Variants in MECOM observed in about 807,000 individuals in gnomAD.
MECOM encodes the protein MDS1 and EVI1 complex locus.
In MECOM, 13 loss-of-function variants were observed where a neutral mutation model predicts 116.3. The observed-to-expected ratio is 0.11, with a 90% confidence interval of 0.07 to 0.18. The LOEUF (loss-of-function observed/expected upper bound fraction) is 0.18, where lower values mean the gene tolerates loss of function less well. Ranked by LOEUF, MECOM falls within the 10% of genes least tolerant of loss-of-function variation. The pLI is 1.00. For missense variants in MECOM, 1,299 were observed against 1,509.0 expected (o/e 0.86, Z 2.31); for synonymous variants, 528 against 535.2 (o/e 0.99, Z 0.19).
In MECOM at chr3:169,440,706, C is replaced by G. The variant is rs535120718; in HGVS notation, c.38-59182G>C. On this transcript the variant is annotated intron_variant, in intron 1 of 16. Coordinates refer to ENST00000651503, the MANE Select transcript of MECOM (RefSeq NM_004991.4). ...ATTGCTTATCTTTTTAGGGATAAAC[C>G]ATATGCCCTCCAAAGCTTCTGAAGG... Among the ~76,000 whole-genome samples, 5 of 152,198 alleles carry G rather than the reference C, an allele frequency of 3.3e-5. No homozygotes were observed. The East Asian group carries it at 7.7e-4, about 24-fold the overall frequency.
chr3:169,462,794 A>T (rs1191882181), intron 1 of MECOM, among the ~76,000 whole-genome samples: 1 of 152,210 alleles, frequency 6.6e-6, no homozygotes, highest in African/African-American at 2.4e-5. Context: ...AAAGGCAAAT[A>T]TAGTCTATAT....
At chr3:169,414,913 A>G (rs892303859) in intron 1 of MECOM, among the ~76,000 whole-genome samples, 1 of 152,180 alleles carries the variant, frequency 6.6e-6, no homozygotes, top group Admixed American at 6.6e-5. Flanking sequence ...TTTGATGGGC[A>G]TACCTGAAAA....
At chr3:169,511,591 G>A (rs543643954) in intron 1 of MECOM, among the ~76,000 whole-genome samples, 36 of 152,044 alleles carry the variant, frequency 2.4e-4, no homozygotes, top group Non-Finnish European at 4.4e-4. Context: ...GCAAAACCCC[G>A]TCTCTTCTTT....
At chr3:169,119,231 G>A (rs1405206287) in intron 7 of MECOM, among the ~76,000 whole-genome samples, 1 of 152,168 alleles carries the variant, frequency 6.6e-6, no homozygotes, top group Non-Finnish European at 1.5e-5. Flanking sequence ...CTTCTGGTGA[G>A]AAACAGATAT....
At position 169,089,121 on chromosome 3, in the gene MECOM, T is replaced by C. The variant is rs1232637919; in HGVS notation, c.3464A>G (p.Asp1155Gly). 6.2e-7 allele frequency: 1 copy of C among 1,609,106 alleles called. No individual in the cohort carries two copies. Among genetic ancestry groups the C allele is most frequent in the South Asian group, 1.1e-5 (1 of 90,356 alleles). Residue 1155 changes from aspartate (D) to glycine (G), a missense_variant, in exon 16 of 17, where the codon GAT becomes GGT. By Grantham distance (94) the Asp-to-Gly change is moderately conservative (BLOSUM62 -1). Transcript: ENST00000651503. ...SALDHIRHFT[D>G]SLKMRKMEDN... ...TTCCATTTTCCTCATTTTGAGGCTA[T>C]CTGTGAAGTGCCTTATATGATCTAG... is the stretch of plus-strand genomic sequence containing the variant.
At chr3:169,654,438 G>A (rs546066384) in intron 1 of MECOM, among the ~76,000 whole-genome samples, 6 of 152,192 alleles carry the variant, frequency 3.9e-5, no homozygotes, top group Non-Finnish European at 8.8e-5. Flanking sequence ...AAATCAGTTG[G>A]GTTCCTCAGT....
chr3:169,444,942 G>A (rs1396615201), intron 1 of MECOM, among the ~76,000 whole-genome samples: 4 of 152,158 alleles, frequency 2.6e-5, no homozygotes, highest in African/African-American at 9.6e-5. Context: ...TTTTGCCCCT[G>A]CCCTAGAGAT....
intron 1 of MECOM, among the ~76,000 whole-genome samples, chr3:169,630,902 G>A (rs980270959): frequency 1.3e-5 from 2 of 152,196 alleles, no homozygotes; most frequent in Admixed American, 1.3e-4. Flanking sequence ...GGAATTACAG[G>A]CGTGAGCCAC....
chr3:169,186,321 AAAGGAAGGAAGG>A (rs1199274474), intron 2 of MECOM, among the ~76,000 whole-genome samples: 1 of 140,486 alleles, frequency 7.1e-6, no homozygotes, highest in South Asian at 2.5e-4. Context: ...AGGAAGGAAG[AAAGGAAGGAAGG>A]AGGGAGGGAG....
At chr3:169,122,514 C>A (rs1731369595) in intron 6 of MECOM, 66 bp downstream of exon 6, 4 of 1,564,828 alleles carry the variant, frequency 2.6e-6, no homozygotes, top group Non-Finnish European at 3.5e-6. Context: ...TATATCGTAG[C>A]AAGTGATGGA....
intron 1 of MECOM, among the ~76,000 whole-genome samples, chr3:169,425,826 G>A (rs1211032785): frequency 6.6e-6 from 1 of 152,098 alleles, no homozygotes; most frequent in Non-Finnish European, 1.5e-5. Context: ...GCCATATGTT[G>A]AAGAAGAATA....
chr3:169,587,748 T>C (rs1011088432), intron 1 of MECOM, among the ~76,000 whole-genome samples: 1 of 152,192 alleles, frequency 6.6e-6, no homozygotes, highest in Non-Finnish European at 1.5e-5. Context: ...ACAGTTACAT[T>C]GTACACTGTC....
chr3:169,169,358 T>A (rs1744071578), intron 2 of MECOM, among the ~76,000 whole-genome samples: 1 of 152,182 alleles, frequency 6.6e-6, no homozygotes, highest in South Asian at 2.1e-4. Flanking sequence ...TCAAAATAAG[T>A]TAAATTAACC....
At chr3:169,235,745 T>C (rs1293193010) in intron 2 of MECOM, among the ~76,000 whole-genome samples, 1 of 151,926 alleles carries the variant, frequency 6.6e-6, no homozygotes, top group Non-Finnish European at 1.5e-5. Context: ...AAAGATAACA[T>C]AATAGCAATA....
chr3:169,095,258 CAA>C lies in MECOM; in HGVS notation c.2850-15_2850-14del. 1 of 1,596,558 alleles carries C rather than the reference CAA, an allele frequency of 6.3e-7. No individual in the cohort carries two copies. The highest frequency in any genetic ancestry group is 8.5e-7 in the Non-Finnish European group (1 of 1,171,990). On this transcript the variant is annotated splice_polypyrimidine_tract_variant and intron_variant, in intron 12 of 16. Transcript: ENST00000651503. ...ACAGTATTTGCATCTGAAAAATAAACAAAGAGAAAATATTAGCAAGCACATTA... is the reference window on the plus strand; with the variant it reads ...ACAGTATTTGCATCTGAAAAATAAACAGAGAAAATATTAGCAAGCACATTA...
At chr3:169,547,367 T>C (rs1760849523) in intron 1 of MECOM, among the ~76,000 whole-genome samples, 1 of 152,226 alleles carries the variant, frequency 6.6e-6, no homozygotes, top group Non-Finnish European at 1.5e-5. Context: ...ATTAAACTTC[T>C]TTCCTCATAA....
At chr3:169,098,756 A>G (rs576584377) in intron 12 of MECOM, among the ~76,000 whole-genome samples, 3 of 151,986 alleles carry the variant, frequency 2.0e-5, no homozygotes, top group Admixed American at 2.0e-4. Context: ...TTCAACTCCT[A>G]GGTTTGGGTG....
chr3:169,407,615 T>C (rs367866570), intron 1 of MECOM, among the ~76,000 whole-genome samples: 52 of 152,346 alleles, frequency 3.4e-4, no homozygotes, highest in African/African-American at 1.1e-3. Flanking sequence ...ACTTATATCT[T>C]AAACACCTCA....
intron 1 of MECOM, among the ~76,000 whole-genome samples, chr3:169,512,752 C>A (rs952874222): frequency 1.3e-5 from 2 of 151,802 alleles, no homozygotes; most frequent in African/African-American, 4.8e-5. Flanking sequence ...TCCCAGCTCC[C>A]CCTTCCCACT....
Sources: gnomAD v4.1 joint callset for allele counts (sites outside exome capture counted in the v4.1 genomes callset) on GRCh38, gnomAD v4.1.1 for gene constraint, MANE v1.5 for transcripts, NCBI Gene and HGNC (gene_info 2026-07-23, HGNC 2026-07-21) for gene names.